The following ZPBP variants were observed in gnomAD, a reference collection of about 807,000 sequenced individuals.
The protein encoded by ZPBP is zona pellucida-binding protein 1.
A neutral mutation model predicts 44.8 loss-of-function variants in ZPBP; 26 were observed. The ratio of observed to expected loss-of-function variants is 0.58; its 90% CI spans 0.43 to 0.81. The LOEUF (loss-of-function observed/expected upper bound fraction) is 0.81, where lower values mean the gene tolerates loss of function less well. Ranked by LOEUF, ZPBP falls within the 30% of genes least tolerant of loss-of-function variation. ZPBP has a pLI of 0.00. For missense variants in ZPBP, 409 were observed against 434.0 expected (o/e 0.94, Z 0.51); for synonymous variants, 174 against 153.2 (o/e 1.14, Z -1.00).
chr7:49,895,044 A>G (rs1792316142), intron 2 of ZPBP, among the ~76,000 whole-genome samples: 1 of 152,216 alleles, frequency 6.6e-6, no homozygotes, highest in African/African-American at 2.4e-5. Flanking sequence ...TGCTACTATA[A>G]CAAAATACCA....
downstream of ZPBP, among the ~76,000 whole-genome samples, chr7:49,848,953 A>C (rs1790068579): frequency 6.6e-6 from 1 of 152,242 alleles, no homozygotes; most frequent in Admixed American, 6.5e-5. Context: ...GATAGCACAA[A>C]AAGTTATCTA....
At chr7:49,978,754 C>T (rs1433848515) in intron 7 of ZPBP, among the ~76,000 whole-genome samples, 1 of 151,594 alleles carries the variant, frequency 6.6e-6, no homozygotes, top group Non-Finnish European at 1.5e-5. Context: ...TAGTGTTATC[C>T]TAATTTAAAA....
At chr7:49,920,889 C>A (rs2128747028) in intron 1 of ZPBP, 1 of 152,188 alleles carries the variant, frequency 6.6e-6, no homozygotes, top group African/African-American at 2.4e-5. Flanking sequence ...TTCTAATAGA[C>A]TGTTATAGGG....
chr7:50,032,515 G>T (rs944585746), intron 4 of ZPBP, among the ~76,000 whole-genome samples: 1 of 152,152 alleles, frequency 6.6e-6, no homozygotes, highest in Non-Finnish European at 1.5e-5. Context: ...ATACTCTTCT[G>T]AGTGTCCAGC....
chr7:49,860,887 G>C (rs1014965097), intron 2 of ZPBP, among the ~76,000 whole-genome samples: 1 of 152,210 alleles, frequency 6.6e-6, no homozygotes, highest in Non-Finnish European at 1.5e-5. Flanking sequence ...TGCGAGCCAA[G>C]GGGAGAGGCC....
intron 6 of ZPBP, among the ~76,000 whole-genome samples, chr7:50,014,553 C>T (rs2128803169): frequency 6.6e-6 from 1 of 150,902 alleles, no homozygotes; most frequent in South Asian, 2.1e-4. Context: ...CAACCTTCAC[C>T]TCCCGGGTTC....
intron 6 of ZPBP, among the ~76,000 whole-genome samples, chr7:50,017,646 A>G (rs987224796): frequency 6.6e-6 from 1 of 152,172 alleles, no homozygotes; most frequent in African/African-American, 2.4e-5. Flanking sequence ...TACAACCATT[A>G]TAATGTAAAT....
At chr7:49,844,396 C>T in the ZPBP span, among the ~76,000 whole-genome samples, 4 of 152,196 alleles carry the variant, frequency 2.6e-5, no homozygotes, top group Non-Finnish European at 4.4e-5. Flanking sequence ...TCAGAACGAT[C>T]GGCTTTGCCC....
chr7:49,976,273 C>T (rs796655911), intron 7 of ZPBP, among the ~76,000 whole-genome samples: 80 of 152,306 alleles, frequency 5.3e-4, no homozygotes, highest in African/African-American at 1.8e-3. Context: ...CCTGCATGAA[C>T]ATGTTTCTGC....
chr7:50,082,717 A>C (rs1242919257), intron 2 of ZPBP, among the ~76,000 whole-genome samples: 1 of 151,806 alleles, frequency 6.6e-6, no homozygotes, highest in Non-Finnish European at 1.5e-5. Context: ...TTAGGTACAT[A>C]CCCTTCCACA....
intron 1 of ZPBP, chr7:49,918,466 A>G (rs1269692055): frequency 2.0e-5 from 3 of 152,204 alleles, no homozygotes; most frequent in Non-Finnish European, 4.4e-5. Context: ...CGTCACAAAA[A>G]TGTTGTAGCC....
intron 4 of ZPBP, among the ~76,000 whole-genome samples, chr7:50,050,788 C>CAAAAAAAAAAAAAAAAAAA (rs751875216): frequency 3.7e-5 from 1 of 26,846 alleles, no homozygotes; most frequent in African/African-American, 1.5e-4. Flanking sequence ...GACTCCGTCT[C>CAAAAAAAAAAAAAAAAAAA]AAAAAAAAAA....
chr7:50,057,362 G>T (rs1183247776), intron 4 of ZPBP, among the ~76,000 whole-genome samples: 1 of 152,108 alleles, frequency 6.6e-6, no homozygotes, highest in Non-Finnish European at 1.5e-5. Flanking sequence ...CACAGAAGCA[G>T]TCCAAGCCTC....
At chr7:49,949,986 C>A (rs1795267447) in intron 7 of ZPBP, among the ~76,000 whole-genome samples, 1 of 151,800 alleles carries the variant, frequency 6.6e-6, no homozygotes, top group African/African-American at 2.4e-5. Flanking sequence ...TAATTAACTG[C>A]ATATCTTGTG....
chr7:50,055,717 A>G (rs974945691), intron 4 of ZPBP, among the ~76,000 whole-genome samples: 1 of 152,202 alleles, frequency 6.6e-6, no homozygotes, highest in African/African-American at 2.4e-5. Flanking sequence ...TGTTGTTGTA[A>G]TAATTACATG....
chr7:49,859,521 G>T (rs2128719633), intron 2 of ZPBP, among the ~76,000 whole-genome samples: 1 of 152,232 alleles, frequency 6.6e-6, no homozygotes, highest in Non-Finnish European at 1.5e-5. Flanking sequence ...ATAACCACTT[G>T]TCTCAGCCCC....
intron 7 of ZPBP, among the ~76,000 whole-genome samples, chr7:49,976,782 C>G (rs926517989): frequency 1.3e-5 from 2 of 152,150 alleles, no homozygotes; most frequent in East Asian, 3.9e-4. Flanking sequence ...AGTAAGTTTT[C>G]CAAATTACAT....
intron 4 of ZPBP, among the ~76,000 whole-genome samples, chr7:50,035,084 A>G (rs1799771677): frequency 6.6e-6 from 1 of 152,224 alleles, no homozygotes; most frequent in Admixed American, 6.5e-5. Context: ...GAATCTGGGA[A>G]CAGATTTTAC....
intron 1 of ZPBP, among the ~76,000 whole-genome samples, chr7:50,092,704 CA>C (rs1293618399): frequency 3.9e-5 from 6 of 152,232 alleles, no homozygotes; most frequent in Non-Finnish European, 2.9e-5. Context: ...TTGAAAGCAG[CA>C]GGTTGCCTAT....
Sources: allele counts gnomAD v4.1 joint callset (sites outside exome capture counted in the v4.1 genomes callset), GRCh38; gene constraint gnomAD v4.1.1; transcripts MANE v1.5; gene names NCBI Gene and HGNC (gene_info 2026-07-23, HGNC 2026-07-21).